MND1: variants seen among roughly 807,000 people sequenced by gnomAD.
MND1 encodes meiotic nuclear divisions 1, also known as meiotic nuclear division protein 1 homolog.
A neutral mutation model predicts 35.1 loss-of-function variants in MND1; 28 were observed. The observed-to-expected ratio is 0.80, with a 90% CI of 0.59 to 1.09. The LOEUF is 1.09. Ranked by LOEUF, MND1 falls within the 50% of genes least tolerant of loss-of-function variation. The pLI is 0.00. For synonymous variants in MND1, 69 were observed against 70.5 expected (o/e 0.98, Z 0.11); for missense variants, 213 against 239.6 (o/e 0.89, Z 0.73).
At chr4:153,373,176 T>C (rs543100751) in intron 4 of MND1, among the ~76,000 whole-genome samples, 2 of 152,286 alleles carry the variant, frequency 1.3e-5, no homozygotes, top group East Asian at 1.9e-4. Flanking sequence ...TCTAGACCAT[T>C]TACATTTAGT....
intron 4 of MND1, among the ~76,000 whole-genome samples, chr4:153,386,389 C>T (rs1033534822): frequency 5.3e-5 from 8 of 151,282 alleles, no homozygotes; most frequent in South Asian, 4.2e-4. Flanking sequence ...CCTAGCTACT[C>T]GGGAGGCTGG....
At position 153,394,144 on chromosome 4, in the gene MND1, C is replaced by T. The variant is rs1020717293; in HGVS notation, c.277-118C>T. 5 of 736,114 alleles carry T rather than the reference C, an allele frequency of 6.8e-6. No homozygotes were observed. The Admixed American group carries it at 9.8e-5, about 14-fold the overall frequency. The allele number at this position is 736,114 out of a possible 1,614,324, so 45.6% of individuals were successfully genotyped here. A position where few individuals can be genotyped will look rare whatever the true frequency, so the allele number is the denominator to read the frequency against. ...ATCTCTTGACCTTGTGATCTGCCTG[C>T]CTCGGCCTGGGGCGAGTGCTGGGGC... On this transcript the variant is annotated intron_variant, in intron 4 of 7. Coordinates refer to ENST00000240488, the MANE Select transcript of MND1 (RefSeq NM_032117.4).
chr4:153,383,744 G>A (rs1728773695), intron 4 of MND1, among the ~76,000 whole-genome samples: 2 of 152,200 alleles, frequency 1.3e-5, no homozygotes, highest in African/African-American at 2.4e-5. Context: ...GGGCACATCC[G>A]CTTCCAACAT....
At chr4:153,352,022 G>A (rs1028032390) in intron 2 of MND1, among the ~76,000 whole-genome samples, 3 of 148,306 alleles carry the variant, frequency 2.0e-5, no homozygotes, top group Non-Finnish European at 4.5e-5. Context: ...GGCTGTCTGT[G>A]AGGTTTTGGA....
At chr4:153,365,086 A>T (rs1479937587) in intron 4 of MND1, among the ~76,000 whole-genome samples, 4 of 142,634 alleles carry the variant, frequency 2.8e-5, no homozygotes, top group Non-Finnish European at 6.0e-5. Flanking sequence ...CTGAAGAACC[A>T]GATGTTGTTG....
intron 2 of MND1, 55 bp downstream of exon 2, chr4:153,350,184 T>C: frequency 8.1e-7 from 1 of 1,238,684 alleles, no homozygotes; most frequent in Non-Finnish European, 1.2e-6. Flanking sequence ...CTTAAGTATA[T>C]GTCATCCAAT....
intron 4 of MND1, among the ~76,000 whole-genome samples, chr4:153,386,142 A>G (rs568589003): frequency 6.6e-6 from 1 of 152,198 alleles, no homozygotes; most frequent in East Asian, 1.9e-4. Context: ...CTTTGAACCT[A>G]AAACTGCTCT....
At chr4:153,412,686 A>G (rs767193579) in intron 7 of MND1, among the ~76,000 whole-genome samples, 10 of 149,338 alleles carry the variant, frequency 6.7e-5, no homozygotes, top group South Asian at 4.2e-4. Context: ...GGGTTTCACC[A>G]TGTTGGCCAG....
chr4:153,414,725 A>T (rs776485823), intron 7 of MND1, 26 bp from the exon 8 acceptor site: 2 of 1,070,998 alleles, frequency 1.9e-6, no homozygotes, highest in Non-Finnish European at 2.7e-6. Flanking sequence ...GTTTTTCTCA[A>T]AATTATTTCT....
At chr4:153,384,339 T>A (rs1728791202) in intron 4 of MND1, among the ~76,000 whole-genome samples, 1 of 145,706 alleles carries the variant, frequency 6.9e-6, no homozygotes, top group Non-Finnish European at 1.5e-5. Context: ...GGTGCAATCA[T>A]GGCTCACTGT....
chr4:153,348,661 T>A (rs904272250), intron 1 of MND1, among the ~76,000 whole-genome samples: 1 of 152,156 alleles, frequency 6.6e-6, no homozygotes, highest in African/African-American at 2.4e-5. Flanking sequence ...TGTTGTTTTT[T>A]TTTGTGTGTG....
intron 4 of MND1, among the ~76,000 whole-genome samples, chr4:153,369,726 A>T (rs1379830996): frequency 6.6e-6 from 1 of 152,016 alleles, no homozygotes; most frequent in Non-Finnish European, 1.5e-5. Flanking sequence ...GTCGTTTTTT[A>T]AAAATAAGAC....
chr4:153,366,143 C>G lies in MND1; in HGVS notation c.276+7521C>G, dbSNP rs980111637. On this transcript the variant is annotated intron_variant, in intron 4 of 7. Coordinates refer to ENST00000240488, the MANE Select transcript of MND1 (RefSeq NM_032117.4). ...GTTGCTGCATCACTCTAATTTCTGC[C>G]TCTTGGTCACATTGCTTTCTGCTCT... Among the ~76,000 whole-genome samples the G allele has an allele frequency of 6.6e-5, 10 of 152,200 alleles. No homozygotes were observed. In the South Asian group the frequency reaches 2.1e-3, roughly 32 times the overall value.
At chr4:153,394,410 TGAG>T (rs1410909690) in intron 5 of MND1, 74 bp downstream of exon 5, 1 of 1,177,440 alleles carries the variant, frequency 8.5e-7, no homozygotes, top group African/African-American at 1.6e-5. Flanking sequence ...GAGCTTCCTG[TGAG>T]GAGGATGCAT....
At chr4:153,359,074 G>A (rs545044593) in intron 4 of MND1, among the ~76,000 whole-genome samples, 55 of 152,180 alleles carry the variant, frequency 3.6e-4, no homozygotes, top group East Asian at 5.8e-4. Flanking sequence ...CTTACATTAG[G>A]GTTCAGTCTT....
intron 2 of MND1, among the ~76,000 whole-genome samples, chr4:153,350,860 A>T (rs28722529): frequency 0.23 from 34,753 of 151,610 alleles, 4,981 homozygotes; most frequent in African/African-American, 0.4. Flanking sequence ...GGCTATTTTC[A>T]TCATATACAA....
In MND1 at chr4:153,377,675, G is replaced by A. The variant is rs151029035; in HGVS notation, c.277-16587G>A. Reference sequence around the variant, plus strand: ...GAAAAGGCTTTATAGTTAAGGAGACGTGTAAGTTGGTGCTAGAAAGATCTG... The same window carrying A: ...GAAAAGGCTTTATAGTTAAGGAGACATGTAAGTTGGTGCTAGAAAGATCTG... On this transcript the variant is annotated intron_variant, in intron 4 of 7. Transcript: ENST00000240488. Among the ~76,000 whole-genome samples the A allele has an allele frequency of 1.9e-4, 29 of 152,320 alleles. No individual in the cohort carries two copies. The East Asian group carries it at 3.9e-3, about 20-fold the overall frequency.
At position 153,388,038 on chromosome 4, in the gene MND1, G is replaced by T. The variant is rs970969981; in HGVS notation, c.277-6224G>T. On this transcript the variant is annotated intron_variant, in intron 4 of 7. Transcript: ENST00000240488. ...ATCAGAATTCCAATGCAGCCAGCTT[G>T]AATCAATTATTCTGTGTCTTATGAA... 6.6e-5 allele frequency among the ~76,000 whole-genome samples: 10 copies of T among 152,076 alleles called. No individual in the cohort carries two copies. The East Asian group carries it at 1.5e-3, about 23-fold the overall frequency.
chr4:153,353,323 C>A (rs151286362), intron 2 of MND1, among the ~76,000 whole-genome samples: 80 of 147,166 alleles, frequency 5.4e-4, no homozygotes, highest in African/African-American at 1.9e-3. Flanking sequence ...AAACATACAG[C>A]AAAGATGAGT....
Sources: gnomAD v4.1 joint callset for allele counts (sites outside exome capture counted in the v4.1 genomes callset) on GRCh38, gnomAD v4.1.1 for gene constraint, MANE v1.5 for transcripts, NCBI Gene and HGNC (gene_info 2026-07-23, HGNC 2026-07-21) for gene names.